EYA1: variants seen among roughly 807,000 people sequenced by gnomAD.
EYA1 encodes protein phosphatase EYA1.
EYA1 carries 16 observed loss-of-function variants against 82.0 expected under a neutral mutation model. The observed-to-expected ratio is 0.20, with a 90% CI of 0.13 to 0.30. EYA1 has a LOEUF of 0.30. EYA1 is among the 10% of genes least tolerant of loss of function. The pLI is 1.00. For missense variants in EYA1, 633 were observed against 730.7 expected, an observed-to-expected ratio of 0.87 and a Z score of 1.54; for synonymous variants, 261 against 264.4, an observed-to-expected ratio of 0.99 and a Z score of 0.12.
chr8:71,453,137 A>G (rs1254939433), intron 2 of EYA1, among the ~76,000 whole-genome samples: 2 of 152,252 alleles, frequency 1.3e-5, no homozygotes, highest in Non-Finnish European at 2.9e-5. Flanking sequence ...AAGCTTCAGT[A>G]GATGATTCCA....
chr8:71,442,163 C>A (rs1563617828), intron 2 of EYA1, among the ~76,000 whole-genome samples: 1 of 152,168 alleles, frequency 6.6e-6, no homozygotes, highest in Non-Finnish European at 1.5e-5. Context: ...GTTAGATAAA[C>A]TAATAGTTAA....
intron 2 of EYA1, among the ~76,000 whole-genome samples, chr8:71,406,946 A>G (rs1830279486): frequency 7.0e-6 from 1 of 142,440 alleles, no homozygotes; most frequent in African/African-American, 2.5e-5. Context: ...AAAAGACAGC[A>G]GTAACCTCTG....
At chr8:71,434,942 C>G (rs149840209) in intron 2 of EYA1, among the ~76,000 whole-genome samples, 3 of 152,110 alleles carry the variant, frequency 2.0e-5, no homozygotes, top group African/African-American at 7.2e-5. Flanking sequence ...TATGTGCATA[C>G]ACACATATAC....
At chr8:71,472,966 A>C (rs1809347569) in intron 2 of EYA1, among the ~76,000 whole-genome samples, 1 of 151,944 alleles carries the variant, frequency 6.6e-6, no homozygotes, top group Non-Finnish European at 1.5e-5. Flanking sequence ...AATGGTTTGC[A>C]AATATTTTTC....
At chr8:71,491,031 A>C (rs77060156) in intron 2 of EYA1, among the ~76,000 whole-genome samples, 1 of 151,578 alleles carries the variant, frequency 6.6e-6, no homozygotes, top group Non-Finnish European at 1.5e-5. Flanking sequence ...GATTGGATGA[A>C]AAAAAAAACA....
chr8:71,254,243 C>CAAAAAAAAAA (rs56047377), intron 11 of EYA1, among the ~76,000 whole-genome samples: 10 of 51,460 alleles, frequency 1.9e-4, no homozygotes, highest in African/African-American at 4.0e-4. Flanking sequence ...AAGTCTTGGC[C>CAAAAAAAAAA]AAAAAAAAAA....
rs567583848 is a variant in EYA1, at chr8:71,247,393, C to G, written c.1051-2701G>C. Among the ~76,000 whole-genome samples the G allele has an allele frequency of 1.1e-4, 16 of 152,210 alleles. No individual in the cohort carries two copies. In the East Asian group the frequency reaches 3.1e-3, roughly 29 times the overall value. On this transcript the variant is annotated intron_variant, in intron 11 of 17. Coordinates refer to ENST00000340726, the MANE Select transcript of EYA1 (RefSeq NM_000503.6). ...AAGCAGAGGACATAGTATTGCCAAACGTCAGGGGTTAGATTGGCAAATACC... is the reference window on the plus strand; with the variant it reads ...AAGCAGAGGACATAGTATTGCCAAAGGTCAGGGGTTAGATTGGCAAATACC...
chr8:71,322,443 A>C (rs1822679253), intron 4 of EYA1, 175 bp from the exon 5 acceptor site: 2 of 643,492 alleles, frequency 3.1e-6, no homozygotes, highest in East Asian at 5.5e-5. Flanking sequence ...AGAAAGTTAA[A>C]CTATAAAGAG....
chr8:71,431,528 G>T (rs191982444), intron 2 of EYA1, among the ~76,000 whole-genome samples: 59 of 152,178 alleles, frequency 3.9e-4, no homozygotes, highest in Middle Eastern at 6.8e-3. Context: ...AAAAGAACAA[G>T]TCCCAGGATT....
chr8:71,325,869 G>C (rs1823093570), intron 4 of EYA1, among the ~76,000 whole-genome samples: 1 of 152,156 alleles, frequency 6.6e-6, no homozygotes, highest in African/African-American at 2.4e-5. Flanking sequence ...TCTTATACCT[G>C]AAGTACCTTT....
intron 11 of EYA1, among the ~76,000 whole-genome samples, chr8:71,249,533 A>G (rs1813497837): frequency 1.3e-5 from 2 of 152,160 alleles, no homozygotes; most frequent in African/African-American, 4.8e-5. Flanking sequence ...CATCCCCATG[A>G]TTCAATTATC....
At chr8:71,544,877 A>G (rs1356388511) in intron 1 of EYA1, among the ~76,000 whole-genome samples, 1 of 152,174 alleles carries the variant, frequency 6.6e-6, no homozygotes, top group Non-Finnish European at 1.5e-5. Flanking sequence ...TCATCTTGCT[A>G]GTTTCTGCCT....
intron 2 of EYA1, among the ~76,000 whole-genome samples, chr8:71,461,945 C>T (rs377728639): frequency 3.7e-4 from 56 of 152,258 alleles, no homozygotes; most frequent in African/African-American, 1.3e-3. Flanking sequence ...CTGGTTGTCC[C>T]ATCTTCTGTC....
At chr8:71,467,437 A>T (rs1157213675) in intron 2 of EYA1, among the ~76,000 whole-genome samples, 4 of 152,276 alleles carry the variant, frequency 2.6e-5, no homozygotes, top group Admixed American at 1.3e-4. Context: ...ATAACAAAAA[A>T]TTACTAGTAC....
intron 2 of EYA1, among the ~76,000 whole-genome samples, chr8:71,399,172 G>C (rs1829807231): frequency 6.6e-6 from 1 of 152,164 alleles, no homozygotes; most frequent in South Asian, 2.1e-4. Context: ...GGAGTGTCCT[G>C]ATTTTCCCGG....
rs1161446566 is a variant in EYA1, at chr8:71,277,122, T to TGC, written c.827-5226_827-5225insGC. On this transcript the variant is annotated intron_variant, in intron 9 of 17. Coordinates refer to ENST00000340726, the MANE Select transcript of EYA1 (RefSeq NM_000503.6). ...TATTTCATGGCTTCACACATTTTTT[T>TGC]TTTTTTTTTTTTTTTTTTTTTTTTT... Among the ~76,000 whole-genome samples, 14 of 78,094 alleles carry TGC rather than the reference T, an allele frequency of 1.8e-4. No individual in the cohort carries two copies. In the East Asian group the frequency reaches 3.0e-3, roughly 17 times the overall value. 51.2% of individuals were successfully genotyped at this position (78,094 alleles called of 152,430 possible). A position where few individuals can be genotyped will look rare whatever the true frequency, so the allele number is the denominator to read the frequency against.
chr8:71,507,430 C>A (rs1318059489), intron 2 of EYA1, among the ~76,000 whole-genome samples: 1 of 152,130 alleles, frequency 6.6e-6, no homozygotes, highest in Non-Finnish European at 1.5e-5. Flanking sequence ...ACTGTCTTGG[C>A]AAAGCAGTGG....
At chr8:71,354,732 C>A in intron 3 of EYA1, 50 bp downstream of exon 3, 1 of 1,584,288 alleles carries the variant, frequency 6.3e-7, no homozygotes, top group Non-Finnish European at 8.7e-7. Flanking sequence ...AAAGCATATA[C>A]TGATGAAGAA....
intron 2 of EYA1, among the ~76,000 whole-genome samples, chr8:71,508,875 C>G (rs1476626522): frequency 2.0e-5 from 3 of 152,060 alleles, no homozygotes; most frequent in Non-Finnish European, 4.4e-5. Context: ...TTCTACTGCA[C>G]TAAATAACAA....
Sources: allele counts gnomAD v4.1 joint callset (sites outside exome capture counted in the v4.1 genomes callset), GRCh38; gene constraint gnomAD v4.1.1; transcripts MANE v1.5; gene names NCBI Gene and HGNC (gene_info 2026-07-23, HGNC 2026-07-21).